KANK1: variants seen among roughly 807,000 people sequenced by gnomAD.
KANK1 encodes the protein KN motif and ankyrin repeat domain-containing protein 1.
Under a neutral mutation model 106.2 loss-of-function variants are expected in KANK1, and 109 were observed. The observed-to-expected ratio is 1.03, with a 90% CI of 0.88 to 1.20. KANK1 has a LOEUF of 1.20. Among genes scored for constraint, KANK1 ranks in the 50% most tolerant of loss-of-function variants. KANK1 has a pLI of 0.00. For missense variants in KANK1, 2,399 were observed against 1,710.7 expected, an observed-to-expected ratio of 1.40 and a Z score of -7.10; for synonymous variants, 873 against 652.2, an observed-to-expected ratio of 1.34 and a Z score of -5.16.
Position 712,787 on chromosome 9 carries a change from G to C in KANK1, c.2021G>C (p.Ser674Thr). ...AVPRTADQDT[S>T]TDLEQVHQFT... Reference sequence around the variant, plus strand: ...CCTCGTACTGCAGACCAGGACACTAGCACAGATTTGGAACAGGTGCACCAG... The same window carrying C: ...CCTCGTACTGCAGACCAGGACACTACCACAGATTTGGAACAGGTGCACCAG... The change falls in exon 3 of 12, where the codon AGC (serine) becomes ACC (threonine). Residue 674 changes from serine to threonine, a missense_variant. Ser to Thr is a moderately conservative substitution (Grantham distance 58). Transcript: ENST00000382297. The C allele has an allele frequency of 6.2e-7, 1 of 1,613,838 alleles. No homozygotes were observed. The highest frequency in any genetic ancestry group is 2.2e-5 in the East Asian group (1 of 44,862).
At chr9:594,840 T>C (rs756887922) in intron 1 of KANK1, among the ~76,000 whole-genome samples, 1 of 151,870 alleles carries the variant, frequency 6.6e-6, no homozygotes, top group Non-Finnish European at 1.5e-5. Flanking sequence ...ATTCCCTGTC[T>C]CTCCTCTTTC....
At chr9:693,395 A>G in intron 2 of KANK1, 1 of 985,316 alleles carries the variant, frequency 1.0e-6, no homozygotes, top group Non-Finnish European at 1.2e-6. Flanking sequence ...ATGAGGAAAC[A>G]TTTGCTGCCT....
intron 1 of KANK1, among the ~76,000 whole-genome samples, chr9:563,149 GT>G (rs1429248140): frequency 6.6e-6 from 1 of 151,308 alleles, no homozygotes; most frequent in African/African-American, 2.4e-5. Context: ...GCTCTATTGT[GT>G]AAAATCACTT....
intron 1 of KANK1, among the ~76,000 whole-genome samples, chr9:508,342 G>T (rs1366441559): frequency 6.6e-6 from 1 of 151,798 alleles, no homozygotes; most frequent in Non-Finnish European, 1.5e-5. Context: ...TCTCCATGTT[G>T]GTCAGGCTGG....
intron 2 of KANK1, among the ~76,000 whole-genome samples, 180 bp from the exon 3 acceptor site, chr9:710,624 A>C (rs1049302081): frequency 1.1e-4 from 15 of 130,570 alleles, no homozygotes; most frequent in African/African-American, 3.9e-4. Flanking sequence ...TCAAAAAAAA[A>C]AAAAACAAAA....
intron 3 of KANK1, among the ~76,000 whole-genome samples, chr9:493,441 T>C (rs1018178397): frequency 6.6e-6 from 1 of 151,776 alleles, no homozygotes; most frequent in African/African-American, 2.4e-5. Flanking sequence ...TGCAACCTTA[T>C]CAGAGACTGT....
chr9:695,317 G>A (rs898689294), intron 2 of KANK1, among the ~76,000 whole-genome samples: 2 of 152,102 alleles, frequency 1.3e-5, no homozygotes, highest in African/African-American at 4.8e-5. Flanking sequence ...TTGCCCTCAT[G>A]TTGTGAGATG....
At chr9:738,116 A>G (rs1037475695) in intron 7 of KANK1, among the ~76,000 whole-genome samples, 169 bp from the exon 8 acceptor site, 28 of 152,174 alleles carry the variant, frequency 1.8e-4, no homozygotes, top group Admixed American at 1.0e-3. Flanking sequence ...ATCAGGAGAA[A>G]TGTCCCAGTT....
chr9:563,620 G>C (rs540793477), intron 1 of KANK1, among the ~76,000 whole-genome samples: 6 of 152,306 alleles, frequency 3.9e-5, no homozygotes, highest in Non-Finnish European at 8.8e-5. Context: ...ATAGGCAGTA[G>C]ACCCATTCGT....
intron 1 of KANK1, among the ~76,000 whole-genome samples, chr9:590,598 C>CAGGGAGATAAACAGAA (rs1563820287): frequency 1.9e-4 from 29 of 148,978 alleles, no homozygotes; most frequent in African/African-American, 7.2e-4. Context: ...AAATATGTAA[C>CAGGGAGATAAACAGAA]TTTACCACCA....
At chr9:534,823 T>C (rs1209220774) in intron 1 of KANK1, among the ~76,000 whole-genome samples, 1 of 152,252 alleles carries the variant, frequency 6.6e-6, no homozygotes, top group Non-Finnish European at 1.5e-5. Context: ...TTTATTCATC[T>C]TAAGTAGAAA....
intron 1 of KANK1, among the ~76,000 whole-genome samples, chr9:569,338 G>A (rs1818600731): frequency 6.6e-6 from 1 of 152,078 alleles, no homozygotes; most frequent in African/African-American, 2.4e-5. Flanking sequence ...TTGAGAGGTG[G>A]GGCCTTTAAG....
At chr9:634,874 C>T (rs1836703986) in intron 1 of KANK1, among the ~76,000 whole-genome samples, 1 of 152,220 alleles carries the variant, frequency 6.6e-6, no homozygotes, top group Admixed American at 6.5e-5. Flanking sequence ...TCACTTCACT[C>T]TGCCATCCAC....
rs183914854 is a variant in KANK1 at position 518,920 on chromosome 9, C to T, written c.-84+14166C>T. ...TTTTTTTTGTTTTGAGACAGAGTTT[C>T]GCTCTTGTTGCCCAGGCTGGAGTGC... On this transcript the variant is annotated intron_variant, in intron 1 of 11. Coordinates refer to ENST00000382297, the MANE Select transcript of KANK1 (RefSeq NM_015158.5). Among the ~76,000 whole-genome samples, 42 of 150,840 alleles carry T rather than the reference C, an allele frequency of 2.8e-4. 1 individual carries two copies. The highest frequency in any genetic ancestry group is 6.8e-3 in the Middle Eastern group (2 of 292).
At chr9:514,811 G>C (rs1563698216) in intron 1 of KANK1, among the ~76,000 whole-genome samples, 1 of 151,690 alleles carries the variant, frequency 6.6e-6, no homozygotes, top group Non-Finnish European at 1.5e-5. Flanking sequence ...ATATCTAGGA[G>C]TGCAATTTTT....
In KANK1 at chr9:576,430, C is replaced by G. The variant is rs577292704; in HGVS notation, c.-84+71676C>G. 3.3e-5 allele frequency among the ~76,000 whole-genome samples: 5 copies of G among 152,348 alleles called. No homozygotes were observed. The South Asian group carries it at 1.0e-3, about 32-fold the overall frequency. Reference sequence around the variant, plus strand: ...AGAAGAGGAACCAATATTTGCTCTGCTAGGCACTGTGCCTATCTTTCCCAC... The same window carrying G: ...AGAAGAGGAACCAATATTTGCTCTGGTAGGCACTGTGCCTATCTTTCCCAC... On this transcript the variant is annotated intron_variant, in intron 1 of 11. Coordinates refer to ENST00000382297, the MANE Select transcript of KANK1 (RefSeq NM_015158.5).
At chr9:686,931 GC>G in intron 2 of KANK1, 1 of 985,184 alleles carries the variant, frequency 1.0e-6, no homozygotes, top group Non-Finnish European at 1.2e-6. Context: ...GGTAAAGGGG[GC>G]TTAGGGCTGG....
intron 1 of KANK1, among the ~76,000 whole-genome samples, chr9:516,309 A>G (rs2059275434): frequency 6.6e-6 from 1 of 151,688 alleles, no homozygotes; most frequent in South Asian, 2.1e-4. Context: ...GTAGGAGGAA[A>G]GTTTGCTGAA....
At chr9:692,521 T>TTA (rs1820219149) in intron 2 of KANK1, among the ~76,000 whole-genome samples, 2 of 150,734 alleles carry the variant, frequency 1.3e-5, no homozygotes, top group East Asian at 1.9e-4. Flanking sequence ...TTTTTTTTTT[T>TTA]ACTTTAAACT....
Sources: gnomAD v4.1 joint callset for allele counts (sites outside exome capture counted in the v4.1 genomes callset) on GRCh38, gnomAD v4.1.1 for gene constraint, MANE v1.5 for transcripts, NCBI Gene and HGNC (gene_info 2026-07-23, HGNC 2026-07-21) for gene names.